The following PPEF1 variants were observed in gnomAD, a reference collection of about 807,000 sequenced individuals.
PPEF1 encodes the protein protein phosphatase with EF-hand domain 1.
In PPEF1, 12 loss-of-function variants were observed where a neutral mutation model predicts 53.3. The observed-to-expected ratio is 0.23, with a 90% CI of 0.14 to 0.36. The LOEUF (loss-of-function observed/expected upper bound fraction) is 0.36. Ranked by LOEUF, PPEF1 falls within the 10% of genes least tolerant of loss-of-function variation. The pLI, the probability that PPEF1 is intolerant of heterozygous loss-of-function variation, is 1.00. For synonymous variants in PPEF1, 165 were observed against 176.7 expected, an observed-to-expected ratio of 0.93 and a Z score of 0.52; for missense variants, 334 against 490.4, an observed-to-expected ratio of 0.68 and a Z score of 3.01.
chrX:18,789,039 A>G (rs775150104), intron 9 of PPEF1, 82 bp from the exon 10 acceptor site: 96 of 1,108,829 alleles, frequency 8.7e-5, no homozygotes, highest in Non-Finnish European at 1.1e-4. Context: ...CACAACATAG[A>G]AAGAATCCCA....
intron 3 of PPEF1, among the ~76,000 whole-genome samples, chrX:18,738,382 G>A (rs963563064): frequency 2.7e-5 from 3 of 111,584 alleles, no homozygotes; most frequent in Admixed American, 1.9e-4. Context: ...CTTCACTTAC[G>A]AAGCTTAGTT....
chrX:18,819,635 A>G (rs1247123741), intron 13 of PPEF1, among the ~76,000 whole-genome samples: 4 of 112,026 alleles, frequency 3.6e-5, no homozygotes, highest in Non-Finnish European at 7.5e-5. Flanking sequence ...CAGAGGTTGC[A>G]GTGACCCGAG....
chrX:18,701,643 C>T (rs1930128470), intron 6 of PPEF1, among the ~76,000 whole-genome samples: 1 of 111,939 alleles, frequency 8.9e-6, no homozygotes, highest in Non-Finnish European at 1.9e-5. Flanking sequence ...TCAAAAGGGC[C>T]CCTTGCTAGG....
upstream of PPEF1, among the ~76,000 whole-genome samples, chrX:18,679,252 A>G (rs1928789426): frequency 9.0e-6 from 1 of 110,920 alleles, no homozygotes; most frequent in South Asian, 3.8e-4. Context: ...TTTTTTCTGT[A>G]TTTTTAGTAG....
intron 12 of PPEF1, among the ~76,000 whole-genome samples, chrX:18,811,611 ATATATTTTTT>A (rs1230030016): frequency 1.7e-3 from 25 of 14,908 alleles, no homozygotes; most frequent in African/African-American, 6.4e-3. Context: ...ATATATATAT[ATATATTTTTT>A]TTTTTTTTTT....
chrX:18,817,074 G>A (rs927821907), intron 12 of PPEF1, among the ~76,000 whole-genome samples: 41 of 78,142 alleles, frequency 5.2e-4, no homozygotes, highest in African/African-American at 2.1e-3. Flanking sequence ...TGCCATGTGT[G>A]TGTGTGTGTG....
chrX:18,801,993 AAAAAG>A (rs1229208960), intron 10 of PPEF1, among the ~76,000 whole-genome samples: 7 of 109,816 alleles, frequency 6.4e-5, no homozygotes, highest in African/African-American at 2.3e-4. Flanking sequence ...CAAAAAAAAA[AAAAAG>A]AAAAGAAAAG....
intron 10 of PPEF1, among the ~76,000 whole-genome samples, chrX:18,791,799 A>G (rs2046329257): frequency 8.9e-6 from 1 of 112,234 alleles, no homozygotes; most frequent in South Asian, 3.7e-4. Flanking sequence ...TTCATCAAGT[A>G]TGATATTAGC....
intron 3 of PPEF1, among the ~76,000 whole-genome samples, chrX:18,690,692 AC>A (rs1227047708): frequency 8.9e-6 from 1 of 112,263 alleles, no homozygotes; most frequent in African/African-American, 3.2e-5. Flanking sequence ...TGTTTTATCA[AC>A]ATTCCTCCAA....
intron 6 of PPEF1, among the ~76,000 whole-genome samples, chrX:18,774,610 G>T: frequency 8.9e-6 from 1 of 112,219 alleles, no homozygotes; most frequent in East Asian, 2.8e-4. Flanking sequence ...CTACACATTT[G>T]CATGTCTGTC....
chrX:18,822,233 T>C (rs1488935782), intron 13 of PPEF1, among the ~76,000 whole-genome samples: 1 of 111,352 alleles, frequency 9.0e-6, no homozygotes, highest in Non-Finnish European at 1.9e-5. Flanking sequence ...AAAGAAAAGC[T>C]TTTTCTTTTG....
intron 11 of PPEF1, among the ~76,000 whole-genome samples, chrX:18,804,455 C>T (rs756052635): frequency 4.7e-4 from 52 of 110,069 alleles, no homozygotes; most frequent in South Asian, 7.9e-4. Flanking sequence ...TACAGGTGTG[C>T]GCCACCACAC....
intron 9 of PPEF1, among the ~76,000 whole-genome samples, chrX:18,788,428 T>C (rs12849589): frequency 9.1e-6 from 1 of 109,834 alleles, no homozygotes; most frequent in Admixed American, 9.8e-5. Flanking sequence ...AAAGACATGG[T>C]GCTACAAAGA....
upstream of PPEF1, among the ~76,000 whole-genome samples, chrX:18,680,727 G>A (rs1386302428): frequency 2.8e-5 from 3 of 108,898 alleles, no homozygotes; most frequent in East Asian, 2.9e-4. Context: ...TTAACTCGTC[G>A]TTTAGCATTG....
intron 2 of PPEF1, among the ~76,000 whole-genome samples, chrX:18,731,792 A>G (rs1405068261): frequency 8.9e-6 from 1 of 112,246 alleles, no homozygotes; most frequent in Admixed American, 9.5e-5. Flanking sequence ...CCTGGCAACG[A>G]CTAAGCTATT....
At chrX:18,743,064 G>A (rs756421699) in intron 3 of PPEF1, among the ~76,000 whole-genome samples, 2 of 111,891 alleles carry the variant, frequency 1.8e-5, no homozygotes, top group Non-Finnish European at 3.8e-5. Context: ...TGAATTCAGA[G>A]CAGTTAAAGA....
intron 6 of PPEF1, among the ~76,000 whole-genome samples, chrX:18,775,450 C>T (rs780486983): frequency 2.7e-5 from 3 of 111,139 alleles, no homozygotes; most frequent in African/African-American, 6.5e-5. Context: ...GTCTTGAACT[C>T]CTGACCTCAA....
chrX:18,796,636 T>C (rs1461697677), intron 10 of PPEF1, among the ~76,000 whole-genome samples: 4 of 111,855 alleles, frequency 3.6e-5, no homozygotes. Flanking sequence ...TATACCTTGA[T>C]TGCTGAAAAT....
At chrX:18,675,170 C>T (rs1292293349), upstream of PPEF1, among the ~76,000 whole-genome samples, 1 of 113,062 alleles carries the variant, frequency 8.8e-6, no homozygotes, top group African/African-American at 3.2e-5. Flanking sequence ...CCCCTGGGAC[C>T]AGGGCGAGGC....
Sources: allele counts gnomAD v4.1 joint callset (sites outside exome capture counted in the v4.1 genomes callset), GRCh38; gene constraint gnomAD v4.1.1; transcripts MANE v1.5; gene names NCBI Gene and HGNC (gene_info 2026-07-23, HGNC 2026-07-21).